RBM26: variants seen among roughly 807,000 people sequenced by gnomAD.
RBM26 encodes the protein RNA binding motif protein 26.
RBM26 carries 30 observed loss-of-function variants against 123.6 expected under a neutral mutation model. The ratio of observed to expected loss-of-function variants is 0.24; its 90% CI spans 0.18 to 0.33. RBM26 has a LOEUF of 0.33. Among genes scored for constraint, RBM26 ranks in the 10% least tolerant of loss-of-function variants. The pLI is 1.00. For missense variants in RBM26, 947 were observed against 1,203.6 expected (o/e 0.79, Z 3.15); for synonymous variants, 400 against 404.4 (o/e 0.99, Z 0.13).
chr13:79,334,835 T>C (rs1012036745), intron 19 of RBM26, among the ~76,000 whole-genome samples: 29 of 152,146 alleles, frequency 1.9e-4, no homozygotes, highest in African/African-American at 6.7e-4. Context: ...TCTCAATAAA[T>C]GGGGAAAGAA....
chr13:79,316,416 A>G (rs200906817), downstream of RBM26, among the ~76,000 whole-genome samples: 1 of 122 alleles, frequency 8.2e-3, no homozygotes, highest in East Asian at 0.5. Flanking sequence ...GAACCCTTAT[A>G]AGCCAACAGT....
At position 79,342,749 on chromosome 13, in the gene RBM26, G is replaced by A. The variant is rs997113533; in HGVS notation, c.2342C>T (p.Thr781Ile). 2 of 1,610,954 alleles carry A rather than the reference G, an allele frequency of 1.2e-6. No individual in the cohort carries two copies. The highest frequency in any genetic ancestry group is 1.7e-5 in the Admixed American group (1 of 59,888). ...ATCTTTCAACTTGGTAATATTTTTT[G>A]TCAAAACCTCTAAAGTTTTCATTAT... ...AEIMKTLEVL[T>I]KNITKLKDEV... is the part of the protein sequence containing the mutation. Residue 781 changes from threonine to isoleucine, a missense_variant, in exon 17 of 22, where the codon ACA becomes ATA. Physicochemically the swap from Thr to Ile is moderately conservative, Grantham distance 89. Around this residue, in one of 5 missense-constraint regions of RBM26, gnomAD observed 493 missense variants for 563.1 expected, o/e 0.88. Transcript: ENST00000438737.
intron 18 of RBM26, among the ~76,000 whole-genome samples, chr13:79,340,576 A>G (rs1380729026): frequency 6.6e-6 from 1 of 151,950 alleles, no homozygotes; most frequent in Non-Finnish European, 1.5e-5. Flanking sequence ...ATTCTCTCTC[A>G]TATCATATAA....
intron 20 of RBM26, among the ~76,000 whole-genome samples, chr13:79,326,744 A>G (rs1280457896): frequency 6.6e-6 from 1 of 152,170 alleles, no homozygotes; most frequent in Non-Finnish European, 1.5e-5. Flanking sequence ...AGAATAATGG[A>G]AACTTTCCAA....
intron 1 of RBM26, among the ~76,000 whole-genome samples, chr13:79,402,399 T>C (rs2079125049): frequency 6.6e-6 from 1 of 151,560 alleles, no homozygotes; most frequent in African/African-American, 2.4e-5. Context: ...AATACAGATA[T>C]GCAGACTTCT....
At chr13:79,373,940 C>G (rs573247533) in intron 3 of RBM26, among the ~76,000 whole-genome samples, 3 of 140,038 alleles carry the variant, frequency 2.1e-5, no homozygotes, top group Non-Finnish European at 4.5e-5. Context: ...TCCTCAACAA[C>G]AGGAACGACA....
At chr13:79,380,467 G>T (rs1464660257) in intron 1 of RBM26, among the ~76,000 whole-genome samples, 1 of 150,494 alleles carries the variant, frequency 6.6e-6, no homozygotes, top group Non-Finnish European at 1.5e-5. Flanking sequence ...ACTAAGTAAA[G>T]GAGGGACAGG....
At chr13:79,326,320 T>C (rs1340038479) in intron 20 of RBM26, among the ~76,000 whole-genome samples, 1 of 152,206 alleles carries the variant, frequency 6.6e-6, no homozygotes, top group Non-Finnish European at 1.5e-5. Context: ...TCCATTAAAA[T>C]ATATTTTTAA....
chr13:79,341,283 CA>C (rs1056225773), intron 17 of RBM26, 56 bp from the exon 18 acceptor site: 2 of 1,126,564 alleles, frequency 1.8e-6, no homozygotes, highest in African/African-American at 3.2e-5. Context: ...TGTATTGATA[CA>C]AACCTTTTTA....
chr13:79,374,277 T>C (rs1485286687), intron 3 of RBM26, among the ~76,000 whole-genome samples: 1 of 152,128 alleles, frequency 6.6e-6, no homozygotes, highest in African/African-American at 2.4e-5. Flanking sequence ...AAGACCAGCC[T>C]GGCCAACACG....
intron 1 of RBM26, among the ~76,000 whole-genome samples, chr13:79,382,703 G>A (rs998965951): frequency 2.6e-5 from 4 of 152,124 alleles, no homozygotes; most frequent in African/African-American, 7.2e-5. Flanking sequence ...AAATGAAAGT[G>A]TGAAATGGCT....
At chr13:79,388,761 T>C (rs1400959188) in intron 1 of RBM26, among the ~76,000 whole-genome samples, 1 of 152,226 alleles carries the variant, frequency 6.6e-6, no homozygotes, top group Non-Finnish European at 1.5e-5. Flanking sequence ...TATTTCAGTC[T>C]GCTTGCTACT....
chr13:79,369,030 T>C (rs1160921282), intron 5 of RBM26, 40 bp from the exon 6 acceptor site: 1 of 1,285,380 alleles, frequency 7.8e-7, no homozygotes, highest in Non-Finnish European at 1.0e-6. Context: ...CTACACTGTA[T>C]TAAAAAAAAA....
At chr13:79,340,017 T>C (rs2071093490) in intron 18 of RBM26, among the ~76,000 whole-genome samples, 1 of 152,274 alleles carries the variant, frequency 6.6e-6, no homozygotes, top group South Asian at 2.1e-4. Context: ...TAAGGAATTT[T>C]GTTAATGCTA....
intron 1 of RBM26, among the ~76,000 whole-genome samples, chr13:79,383,709 G>A (rs553695664): frequency 1.3e-5 from 2 of 152,184 alleles, no homozygotes; most frequent in African/African-American, 2.4e-5. Flanking sequence ...ACAAACATAC[G>A]TTTATAGTAT....
intron 18 of RBM26, among the ~76,000 whole-genome samples, chr13:79,339,124 T>C (rs763009979): frequency 2.6e-5 from 4 of 152,190 alleles, no homozygotes; most frequent in Non-Finnish European, 5.9e-5. Flanking sequence ...AATCATCTAA[T>C]ATCCAAATAA....
At chr13:79,324,011 G>A (rs2068022045) in intron 20 of RBM26, among the ~76,000 whole-genome samples, 1 of 151,652 alleles carries the variant, frequency 6.6e-6, no homozygotes, top group South Asian at 2.1e-4. Flanking sequence ...AATATTTCAG[G>A]TAATTGCAAC....
At chr13:79,389,973 G>T (rs2077805601) in intron 1 of RBM26, among the ~76,000 whole-genome samples, 1 of 152,058 alleles carries the variant, frequency 6.6e-6, no homozygotes, top group Non-Finnish European at 1.5e-5. Context: ...GGAAATACTA[G>T]TTGTAGTAGC....
intron 20 of RBM26, among the ~76,000 whole-genome samples, chr13:79,331,259 C>T (rs2069287056): frequency 6.6e-6 from 1 of 152,078 alleles, no homozygotes; most frequent in African/African-American, 2.4e-5. Flanking sequence ...CCCACTTGGC[C>T]TCCCAAAGTG....
Sources: allele counts gnomAD v4.1 joint callset (sites outside exome capture counted in the v4.1 genomes callset), GRCh38; gene constraint gnomAD v4.1.1; regional missense constraint gnomAD v4.1.1; transcripts MANE v1.5; gene names NCBI Gene and HGNC (gene_info 2026-07-23, HGNC 2026-07-21).